GABPB1: variants seen among roughly 807,000 people sequenced by gnomAD.
The protein encoded by GABPB1 is GA binding protein transcription factor subunit beta 1.
A neutral mutation model predicts 45.9 loss-of-function variants in GABPB1; 15 were observed. The observed-to-expected ratio is 0.33, with a 90% CI of 0.22 to 0.50. GABPB1 has a LOEUF of 0.50. Among genes scored for constraint, GABPB1 ranks in the 20% least tolerant of loss-of-function variants. The probability of loss-of-function intolerance (pLI) is 0.98; values close to 1 mark genes in which losing one functional copy is unlikely to be tolerated. For missense variants in GABPB1, 252 were observed against 457.5 expected, an observed-to-expected ratio of 0.55 and a Z score of 4.10; for synonymous variants, 143 against 154.4, an observed-to-expected ratio of 0.93 and a Z score of 0.55.
chr15:50,328,901 T>C (rs951951376), intron 1 of GABPB1, among the ~76,000 whole-genome samples: 5 of 152,332 alleles, frequency 3.3e-5, no homozygotes, highest in African/African-American at 1.2e-4. Context: ...TATTATCGTT[T>C]TTCATTACCA....
Position 50,300,770 on chromosome 15 carries a change from T to G in GABPB1, c.697+19A>C. 6.8e-7 allele frequency: 1 copy of G among 1,474,532 alleles called. No homozygotes were observed. Among genetic ancestry groups the G allele is most frequent in the Non-Finnish European group, 9.5e-7 (1 of 1,053,100 alleles). The allele number at this position is 1,474,532 out of a possible 1,614,324, so 91.3% of individuals were successfully genotyped here. On this transcript the variant is annotated intron_variant, in intron 6 of 8. Coordinates refer to ENST00000380877, the MANE Select transcript of GABPB1 (RefSeq NM_016654.5). The stretch of plus-strand genomic sequence containing the variant: ...TGAATCTGCAATTTTAATGTACACA[T>G]TAGACTCGTTTTTCTAACCTGGAGT...
chr15:50,291,349 C>G (rs563925013), intron 6 of GABPB1, among the ~76,000 whole-genome samples: 1 of 151,502 alleles, frequency 6.6e-6, no homozygotes, highest in East Asian at 2.0e-4. Flanking sequence ...GACGAAATCT[C>G]ACTCTGTCAC....
In GABPB1 at chr15:50,312,905, G is replaced by A. The variant is rs569851714; in HGVS notation, c.1-3107C>T. Among the ~76,000 whole-genome samples, 5 of 152,102 alleles carry A rather than the reference G, an allele frequency of 3.3e-5. No homozygotes were observed. The East Asian group carries it at 7.7e-4, about 23-fold the overall frequency. ...TGTAAGCGTTCTGACATATGTTCTG[G>A]ATATGAGTCCTTTGTCAAATATAAC... On this transcript the variant is annotated intron_variant, in intron 1 of 8. Transcript: ENST00000380877.
intron 7 of GABPB1, among the ~76,000 whole-genome samples, chr15:50,289,280 G>A (rs1247445376): frequency 6.6e-6 from 1 of 151,964 alleles, no homozygotes; most frequent in African/African-American, 2.4e-5. Flanking sequence ...ATTAGCCTAA[G>A]CAAATAAAAT....
chr15:50,318,427 T>C (rs1273211484), intron 1 of GABPB1, among the ~76,000 whole-genome samples: 1 of 152,206 alleles, frequency 6.6e-6, no homozygotes, highest in African/African-American at 2.4e-5. Context: ...TTCCCCTTTA[T>C]TTTTAAAATA....
At chr15:50,290,376 A>T (rs541574411) in intron 6 of GABPB1, among the ~76,000 whole-genome samples, 2 of 152,156 alleles carry the variant, frequency 1.3e-5, no homozygotes, top group African/African-American at 4.8e-5. Context: ...GGATCACTTG[A>T]GGTCAGGAGT....
At chr15:50,331,354 T>C (rs2047941672) in intron 1 of GABPB1, among the ~76,000 whole-genome samples, 1 of 152,218 alleles carries the variant, frequency 6.6e-6, no homozygotes, top group African/African-American at 2.4e-5. Flanking sequence ...ACAGTAGTGG[T>C]AGCAGCTTCC....
chr15:50,288,702 T>C (rs373446416), intron 7 of GABPB1, among the ~76,000 whole-genome samples: 1 of 152,250 alleles, frequency 6.6e-6, no homozygotes, highest in Non-Finnish European at 1.5e-5. Flanking sequence ...ACTGAAAATG[T>C]AGCTGAGACT....
At chr15:50,332,173 C>T (rs1181804032) in intron 1 of GABPB1, among the ~76,000 whole-genome samples, 1 of 152,218 alleles carries the variant, frequency 6.6e-6, no homozygotes, top group East Asian at 1.9e-4. Context: ...CCGTGCCCAG[C>T]CCCCTGTCCA....
rs2049055286 is a variant in GABPB1, at chr15:50,355,163, T to G, written c.-179A>C. On this transcript the variant is annotated 5_prime_UTR_variant, in exon 1 of 9. Coordinates refer to ENST00000380877, the MANE Select transcript of GABPB1 (RefSeq NM_016654.5). ...GGCGCCCAAAATCCCCACCGAAAAG[T>G]CCCCCGTGCTGCGCGCGGAGGGACA... 6.6e-6 allele frequency: 1 copy of G among 152,526 alleles called. No homozygotes were observed. The highest frequency in any genetic ancestry group is 2.4e-5 in the African/African-American group (1 of 41,258). The allele number at this position is 152,526 out of a possible 1,614,324, so 9.4% of individuals were successfully genotyped here.
chr15:50,353,138 AGAATT>A (rs1267555009), intron 1 of GABPB1: 1 of 152,254 alleles, frequency 6.6e-6, no homozygotes, highest in African/African-American at 2.4e-5. Flanking sequence ...AATATGTAAT[AGAATT>A]AAATGTTTTA....
At chr15:50,280,489 C>T (rs909728387) in intron 8 of GABPB1, among the ~76,000 whole-genome samples, 5 of 152,312 alleles carry the variant, frequency 3.3e-5, no homozygotes, top group African/African-American at 1.2e-4. Context: ...CAGTGACTCA[C>T]ACCTTAATGC....
rs1165471556 is a variant in GABPB1 at position 50,278,386 on chromosome 15, T to G, written c.*246A>C. ...TGGTTTTGGATCTCTTCAACAATCT[T>G]TATCAACTCATTTGGAACTGTAAAA... On this transcript the variant is annotated 3_prime_UTR_variant, in exon 9 of 9. Coordinates refer to ENST00000380877, the MANE Select transcript of GABPB1 (RefSeq NM_016654.5). 1.0e-5 allele frequency: 3 copies of G among 290,080 alleles called. No individual in the cohort carries two copies. The highest frequency in any genetic ancestry group is 1.9e-5 in the Non-Finnish European group (3 of 157,894). 18.0% of individuals were successfully genotyped at this position (290,080 alleles called of 1,614,324 possible).
At position 50,278,430 on chromosome 15, in the gene GABPB1, G is replaced by C. The variant is rs2045882169; in HGVS notation, c.*202C>G. On this transcript the variant is annotated 3_prime_UTR_variant, in exon 9 of 9. Coordinates refer to ENST00000380877, the MANE Select transcript of GABPB1 (RefSeq NM_016654.5). ...TGTAAAAAAAAAAAAACTATTTACAGAATTCAGTTTTAAATACATTTCACA... is the reference window on the plus strand; with the variant it reads ...TGTAAAAAAAAAAAAACTATTTACACAATTCAGTTTTAAATACATTTCACA... 2.8e-6 allele frequency: 1 copy of C among 362,344 alleles called. No individual in the cohort carries two copies. Among genetic ancestry groups the C allele is most frequent in the South Asian group, 1.1e-4 (1 of 9,018 alleles). The allele number at this position is 362,344 out of a possible 1,614,324, so 22.4% of individuals were successfully genotyped here. A position where few individuals can be genotyped will look rare whatever the true frequency, so the allele number is the denominator to read the frequency against.
intron 6 of GABPB1, among the ~76,000 whole-genome samples, chr15:50,295,733 C>G (rs964109117): frequency 1.3e-5 from 2 of 151,846 alleles, no homozygotes; most frequent in Non-Finnish European, 2.9e-5. Flanking sequence ...TAAATCTTAC[C>G]CATTCTTTAG....
chr15:50,327,601 T>C (rs2047813572), intron 1 of GABPB1, among the ~76,000 whole-genome samples: 1 of 152,162 alleles, frequency 6.6e-6, no homozygotes. Flanking sequence ...TATCAACTTC[T>C]AGTAGAGTTT....
At chr15:50,322,048 T>C (rs77045426) in intron 1 of GABPB1, among the ~76,000 whole-genome samples, 9,358 of 151,142 alleles carry the variant, frequency 0.062, 831 homozygotes, top group African/African-American at 0.2. Context: ...GTGAACATAA[T>C]AAATGTAGAT....
At chr15:50,324,690 G>A (rs778314667) in intron 1 of GABPB1, among the ~76,000 whole-genome samples, 7 of 151,764 alleles carry the variant, frequency 4.6e-5, no homozygotes, top group South Asian at 2.1e-4. Context: ...GATTACAGGC[G>A]CATGCCACCA....
At chr15:50,278,898 C>T in intron 8 of GABPB1, 114 bp from the exon 9 acceptor site, 3 of 777,302 alleles carry the variant, frequency 3.9e-6, no homozygotes, top group Admixed American at 3.4e-5. Flanking sequence ...AAAGCAGCCA[C>T]CTATTGAAAT....
Sources: gnomAD v4.1 joint callset for allele counts (sites outside exome capture counted in the v4.1 genomes callset) on GRCh38, gnomAD v4.1.1 for gene constraint, MANE v1.5 for transcripts, NCBI Gene and HGNC (gene_info 2026-07-23, HGNC 2026-07-21) for gene names.